UGT1A9: variants seen among roughly 807,000 people sequenced by gnomAD.
UGT1A9 encodes UDP-glucuronosyltransferase 1A9.
Under a neutral mutation model 45.0 loss-of-function variants are expected in UGT1A9, and 35 were observed. The observed-to-expected ratio is 0.78, with a 90% CI of 0.59 to 1.03. The LOEUF (loss-of-function observed/expected upper bound fraction) is 1.03, where lower values mean the gene tolerates loss of function less well. Among genes scored for constraint, UGT1A9 ranks in the 50% least tolerant of loss-of-function variants. The pLI is 0.00. For synonymous variants in UGT1A9, 278 were observed against 250.6 expected, an observed-to-expected ratio of 1.11 and a Z score of -1.03; for missense variants, 687 against 666.6, an observed-to-expected ratio of 1.03 and a Z score of -0.34.
intron 2 of UGT1A9, 67 bp from the exon 3 acceptor site, chr2:233,767,782 A>T: frequency 3.1e-6 from 5 of 1,613,494 alleles, no homozygotes; most frequent in Non-Finnish European, 4.2e-6. Context: ...TCTAGTTAGT[A>T]TAGCAGATTT....
In UGT1A9 at chr2:233,701,831, A is replaced by G. The variant is rs28899177; in HGVS notation, c.855+29042A>G. On this transcript the variant is annotated intron_variant, in intron 1 of 4. Coordinates refer to ENST00000354728, the MANE Select transcript of UGT1A9 (RefSeq NM_021027.3). ...GACACAACATACCAGAATCTCTGGG[A>G]CACATTCAAAGCAGTGTGTAGAGGG... 7.1e-4 allele frequency among the ~76,000 whole-genome samples: 108 copies of G among 152,314 alleles called. No homozygotes were observed. In the East Asian group the frequency reaches 0.012, roughly 17 times the overall value.
chr2:233,743,543 C>A (rs1253470461), intron 1 of UGT1A9: 2 of 1,367,070 alleles, frequency 1.5e-6, no homozygotes, highest in Admixed American at 3.8e-5. Flanking sequence ...TTCCTCTGAC[C>A]CCCCCAAAAT....
chr2:233,764,097 A>C (rs535493986), intron 1 of UGT1A9, among the ~76,000 whole-genome samples: 6 of 152,334 alleles, frequency 3.9e-5, no homozygotes, highest in African/African-American at 1.4e-4. Flanking sequence ...CTAAACTAAA[A>C]ATACAAAATT....
intron 1 of UGT1A9, among the ~76,000 whole-genome samples, chr2:233,733,498 T>C (rs1311327798): frequency 2.0e-5 from 3 of 152,236 alleles, no homozygotes; most frequent in Non-Finnish European, 4.4e-5. Context: ...ACCTAGTTTA[T>C]TGCCAGTTTT....
chr2:233,689,650 T>A (rs372119020), intron 1 of UGT1A9, among the ~76,000 whole-genome samples: 34 of 152,280 alleles, frequency 2.2e-4, no homozygotes, highest in African/African-American at 7.9e-4. Flanking sequence ...TGCTCATGAG[T>A]GTGACTTCCT....
Position 233,682,666 on chromosome 2 carries a change from T to C in UGT1A9, c.855+9877T>C, listed in dbSNP as rs140179150. ...TCCAAACCCCTGTCACGGCATATGA[T>C]CTCTACAGCCACACATCAATTTGGT... On this transcript the variant is annotated intron_variant, in intron 1 of 4. Transcript: ENST00000354728. 1.0e-4 allele frequency: 166 copies of C among 1,613,914 alleles called. No homozygotes were observed. Among genetic ancestry groups the C allele is most frequent in the Middle Eastern group, 8.3e-4 (5 of 6,054 alleles).
chr2:233,767,876 C>A lies in UGT1A9; in HGVS notation c.1015C>A (p.Pro339Thr), dbSNP rs773195449. ...TVLWRYTGTR[P>T]SNLANNTILV... ...CCTGTGGCGGTACACTGGAACCCGA[C>A]CATCGAATCTTGCGAACAACACGAT... The change falls in exon 3 of 5, where the codon CCA becomes ACA. Residue 339 changes from proline (P) to threonine (T), a missense_variant. Physicochemically the swap from Pro to Thr is conservative, Grantham distance 38 (BLOSUM62 -1). Transcript: ENST00000354728. 23 of 1,614,060 alleles carry A rather than the reference C, an allele frequency of 1.4e-5. No individual in the cohort carries two copies. The highest frequency in any genetic ancestry group is 1.8e-5 in the Non-Finnish European group (21 of 1,180,054).
intron 1 of UGT1A9, among the ~76,000 whole-genome samples, chr2:233,764,593 G>A (rs3771341): frequency 0.33 from 49,748 of 151,964 alleles, 8,444 homozygotes; most frequent in African/African-American, 0.4. Flanking sequence ...TTTTCCAGAT[G>A]AGCTTCAGTG....
intron 1 of UGT1A9, chr2:233,719,812 C>G: frequency 6.3e-7 from 1 of 1,587,558 alleles, no homozygotes; most frequent in South Asian, 1.1e-5. Context: ...TTCTTTATAA[C>G]AGATAAACTG....
At chr2:233,706,188 C>T (rs1428405421) in intron 1 of UGT1A9, among the ~76,000 whole-genome samples, 1 of 152,206 alleles carries the variant, frequency 6.6e-6, no homozygotes, top group East Asian at 1.9e-4. Flanking sequence ...TCTGCCCAGG[C>T]TGCTCCTCCA....
chr2:233,682,842 T>C, intron 1 of UGT1A9: 6 of 1,547,036 alleles, frequency 3.9e-6, no homozygotes, highest in Non-Finnish European at 5.2e-6. Context: ...CTTTGGAAAT[T>C]AAAAGATTTC....
At chr2:233,755,012 G>C in intron 1 of UGT1A9, 1 of 1,294,464 alleles carries the variant, frequency 7.7e-7, no homozygotes, top group Non-Finnish European at 1.0e-6. Flanking sequence ...CCTACTCGAA[G>C]GGGTCCTTGA....
intron 1 of UGT1A9, chr2:233,693,199 G>A: frequency 6.2e-7 from 1 of 1,614,108 alleles, no homozygotes; most frequent in Non-Finnish European, 8.5e-7. Context: ...AAGTTAATTT[G>A]CTTTTGAAAG....
In UGT1A9 at chr2:233,769,479, G is replaced by A; in HGVS notation, c.1295+1040G>A. The A allele has an allele frequency of 6.2e-7, 1 of 1,611,314 alleles. No homozygotes were observed. The highest frequency in any genetic ancestry group is 8.5e-7 in the Non-Finnish European group (1 of 1,178,748). ...CATTCATATGCGTGTGTGTGTGTGT[G>A]CGTGTGTTTATGAGAGTGTCCATTG... is the stretch of plus-strand genomic sequence containing the variant. On this transcript the variant is annotated intron_variant, in intron 4 of 4. Coordinates refer to ENST00000354728, the MANE Select transcript of UGT1A9 (RefSeq NM_021027.3). This position sits in a 1 kb window ranked among gnomAD's most constrained non-coding sequence, Gnocchi z 4.4.
chr2:233,731,478 G>T lies in UGT1A9; in HGVS notation c.856-35556G>T, dbSNP rs546247495. 7.2e-5 allele frequency among the ~76,000 whole-genome samples: 11 copies of T among 152,100 alleles called. No individual in the cohort carries two copies. In the East Asian group the frequency reaches 2.1e-3, roughly 29 times the overall value. On this transcript the variant is annotated intron_variant, in intron 1 of 4. Transcript: ENST00000354728. ...AGGCCCTGGCGTGTGATGTTCCCTG[G>T]CCTGTGTCCAGTGTTCTTGCTGTTC... is the stretch of plus-strand genomic sequence containing the variant.
intron 1 of UGT1A9, chr2:233,754,534 G>A (rs1695504785): frequency 2.7e-6 from 1 of 372,112 alleles, no homozygotes; most frequent in Non-Finnish European, 5.3e-6. Flanking sequence ...GGCAAATGTG[G>A]ACTGGAATTA....
intron 1 of UGT1A9, chr2:233,682,085 C>T (rs772240265): frequency 1.4e-5 from 23 of 1,613,958 alleles, no homozygotes; most frequent in Non-Finnish European, 5.9e-6. Flanking sequence ...GAAACTCATC[C>T]TCAGGGGGCA....
chr2:233,708,499 C>T (rs1169356976), intron 1 of UGT1A9: 1 of 152,226 alleles, frequency 6.6e-6, no homozygotes, highest in Non-Finnish European at 1.5e-5. Flanking sequence ...TGCTTATAAT[C>T]CCAGCACTTT....
rs145038612 is a variant in UGT1A9, at chr2:233,672,481, T to G, written c.547T>G (p.Cys183Gly). 4.9e-4 allele frequency: 789 copies of G among 1,613,882 alleles called. No homozygotes were observed. Among genetic ancestry groups the G allele is most frequent in the Non-Finnish European group, 6.3e-4 (745 of 1,179,864 alleles). ...CCACTATCTTGAAGAAGGTGCACAG[T>G]GCCCTGCTCCTCTTTCCTATGTCCC... ...LCHYLEEGAQ[C>G]PAPLSYVPRI... Residue 183 changes from cysteine to glycine, a missense_variant, in exon 1 of 5, where the codon TGC (cysteine) becomes GGC (glycine). Transcript: ENST00000354728.
Sources: gnomAD v4.1 joint callset for allele counts (sites outside exome capture counted in the v4.1 genomes callset) on GRCh38, gnomAD v4.1.1 for gene constraint, Gnocchi (gnomAD v3.1) non-coding constraint, MANE v1.5 for transcripts, NCBI Gene and HGNC (gene_info 2026-07-23, HGNC 2026-07-21) for gene names.